Variants in ZNF714 observed in about 807,000 individuals in gnomAD.
ZNF714 encodes zinc finger protein 714.
ZNF714 carries 32 observed loss-of-function variants against 46.2 expected under a neutral mutation model. The ratio of observed to expected loss-of-function variants is 0.69; its 90% confidence interval spans 0.52 to 0.93. ZNF714 has a LOEUF of 0.93. ZNF714 is among the 40% of genes least tolerant of loss of function. The probability of loss-of-function intolerance (pLI) is 0.00; values close to 1 mark genes in which losing one functional copy is unlikely to be tolerated. For missense variants in ZNF714, 635 were observed against 646.3 expected (o/e 0.98, Z 0.19); for synonymous variants, 199 against 213.1 (o/e 0.93, Z 0.58).
Position 21,121,915 on chromosome 19 carries a change from T to C in ZNF714, c.*3583T>C, listed in dbSNP as rs1288613088. On this transcript the variant is annotated 3_prime_UTR_variant, in exon 5 of 5. Coordinates refer to ENST00000456283, the MANE Select transcript of ZNF714 (RefSeq NM_182515.4). ...TTCATTATATGAGCTGGTCTGTGAT[T>C]ATAAGAATTTTTATGAAATTTAGTG... 1 of 152,214 alleles carries C rather than the reference T, an allele frequency of 6.6e-6. No homozygotes were observed. The highest frequency in any genetic ancestry group is 6.5e-5 in the Admixed American group (1 of 15,272). The allele number at this position is 152,214 out of a possible 1,614,324, so 9.4% of individuals were successfully genotyped here. A position where few individuals can be genotyped will look rare whatever the true frequency, so the allele number is the denominator to read the frequency against.
intron 2 of ZNF714, among the ~76,000 whole-genome samples, chr19:21,094,649 C>T (rs537345332): frequency 6.6e-6 from 1 of 152,296 alleles, no homozygotes; most frequent in East Asian, 1.9e-4. Flanking sequence ...GCCTTAGTTT[C>T]TGGAGTAGCT....
chr19:21,114,047 T>C (rs1019539852), intron 4 of ZNF714, among the ~76,000 whole-genome samples: 1 of 152,218 alleles, frequency 6.6e-6, no homozygotes, highest in African/African-American at 2.4e-5. Context: ...ATGTGTTTTA[T>C]GAATCTGGGT....
rs1969633498 is a variant in ZNF714, at chr19:21,117,771, C to G, written c.1107C>G (p.Tyr369Ter). 1 of 1,613,724 alleles carries G rather than the reference C, an allele frequency of 6.2e-7. No individual in the cohort carries two copies. Among genetic ancestry groups the G allele is most frequent in the Non-Finnish European group, 8.5e-7 (1 of 1,179,974 alleles). Reference sequence around the variant, plus strand: ...TGATTCATACTGGAGAGAAACCCTACAAATGTGAAGAATGTGGCAAAGCCT... The same window carrying G: ...TGATTCATACTGGAGAGAAACCCTAGAAATGTGAAGAATGTGGCAAAGCCT... ...HKMIHTGEKP[Y>*]KCEECGKAFN... Residue 369 changes from tyrosine (Y) to a stop codon, truncating the protein, a stop_gained, in exon 5 of 5, where the codon TAC (tyrosine) becomes TAG (stop). Coordinates refer to ENST00000456283, the MANE Select transcript of ZNF714 (RefSeq NM_182515.4). LOFTEE classifies it high-confidence loss of function.
chr19:21,112,167 T>C (rs1969462203), intron 4 of ZNF714, among the ~76,000 whole-genome samples: 1 of 152,174 alleles, frequency 6.6e-6, no homozygotes, highest in South Asian at 2.1e-4. Context: ...GAAGAAATAG[T>C]ACTCTTTGTA....
chr19:21,086,470 C>G (rs1968781897), intron 2 of ZNF714, among the ~76,000 whole-genome samples: 1 of 152,074 alleles, frequency 6.6e-6, no homozygotes, highest in Admixed American at 6.6e-5. Context: ...TATTTATGCC[C>G]CCCAATTTTA....
In ZNF714 at chr19:21,117,049, A is replaced by G. The variant is rs1269177709; in HGVS notation, c.385A>G (p.Ile129Val). The change falls in exon 5 of 5, where the codon ATT becomes GTT. Residue 129 changes from isoleucine (I) to valine (V), a missense_variant. By Grantham distance (29) the Ile-to-Val change is conservative. Transcript: ENST00000456283. ...TAAATATATAAAAGTCTTTCATAAA[A>G]TTTTCAATTCAAATAGACACAAGAC... is the stretch of plus-strand genomic sequence containing the variant. ...CDKYIKVFHK[I>V]FNSNRHKTRH... 1 of 1,613,180 alleles carries G rather than the reference A, an allele frequency of 6.2e-7. No individual in the cohort carries two copies. Among genetic ancestry groups the G allele is most frequent in the South Asian group, 1.1e-5 (1 of 90,892 alleles).
chr19:21,125,008 AG>A lies in ZNF714; in HGVS notation c.*6679del, dbSNP rs1969771512. On this transcript the variant is annotated 3_prime_UTR_variant, in exon 5 of 5. Coordinates refer to ENST00000456283, the MANE Select transcript of ZNF714 (RefSeq NM_182515.4). ...TGTAATCCCAGCACTGTGGGAAGCC[AG>A]GGCAGGTGGATTGCTTGAGCCCAGG... 1 of 143,592 alleles carries A rather than the reference AG, an allele frequency of 7.0e-6. No individual in the cohort carries two copies. 8.9% of individuals were successfully genotyped at this position (143,592 alleles called of 1,614,324 possible).
At position 21,119,451 on chromosome 19, in the gene ZNF714, A is replaced by G. The variant is rs930535222; in HGVS notation, c.*1119A>G. On this transcript the variant is annotated 3_prime_UTR_variant, in exon 5 of 5. Transcript: ENST00000456283. ...ACAGTGAAGAATATTTATTTTGAAGATGAATGTTACAAATATAAAGTGGGT... is the reference window on the plus strand; with the variant it reads ...ACAGTGAAGAATATTTATTTTGAAGGTGAATGTTACAAATATAAAGTGGGT... 2 of 162,048 alleles carry G rather than the reference A, an allele frequency of 1.2e-5. No homozygotes were observed. The highest frequency in any genetic ancestry group is 1.4e-5 in the Non-Finnish European group (1 of 73,392). The allele number at this position is 162,048 out of a possible 1,614,324, so 10.0% of individuals were successfully genotyped here.
rs1969747603 is a variant in ZNF714, at chr19:21,123,745, A to G, written c.*5413A>G. Reference sequence around the variant, plus strand: ...GTGGTGGTAAAGATTGCAAAATAATAAAATGACCTCTGAATTTAAAATTTA... The same window carrying G: ...GTGGTGGTAAAGATTGCAAAATAATGAAATGACCTCTGAATTTAAAATTTA... On this transcript the variant is annotated 3_prime_UTR_variant, in exon 5 of 5. Transcript: ENST00000456283. The G allele has an allele frequency of 6.6e-6, 1 of 152,230 alleles. No individual in the cohort carries two copies. Among genetic ancestry groups the G allele is most frequent in the Non-Finnish European group, 1.5e-5 (1 of 68,038 alleles). The allele number at this position is 152,230 out of a possible 1,614,324, so 9.4% of individuals were successfully genotyped here. A position where few individuals can be genotyped will look rare whatever the true frequency, so the allele number is the denominator to read the frequency against.
intron 2 of ZNF714, among the ~76,000 whole-genome samples, chr19:21,087,584 A>G (rs1474161450): frequency 6.6e-6 from 1 of 152,046 alleles, no homozygotes; most frequent in African/African-American, 2.4e-5. Context: ...ACCTTTTATA[A>G]CTCTTTACAA....
intron 4 of ZNF714, among the ~76,000 whole-genome samples, chr19:21,106,554 G>C (rs1022980041): frequency 2.2e-5 from 3 of 139,338 alleles, no homozygotes; most frequent in Admixed American, 1.5e-4. Flanking sequence ...GGGTGACAGA[G>C]CAAGACTCCG....
chr19:21,117,804 C>G lies in ZNF714; in HGVS notation c.1140C>G (p.His380Gln), dbSNP rs878958554. 6 of 1,598,132 alleles carry G rather than the reference C, an allele frequency of 3.8e-6. No individual in the cohort carries two copies. Among genetic ancestry groups the G allele is most frequent in the Admixed American group, 1.7e-5 (1 of 58,494 alleles). ...AAGAATGTGGCAAAGCCTTTAACCA[C>G]TCCTCAAAACTTACTATACATAAGA... is the stretch of plus-strand genomic sequence containing the variant. Reference protein sequence around the residue: ...KCEECGKAFNHSSKLTIHKII... With the variant: ...KCEECGKAFNQSSKLTIHKII... The change falls in exon 5 of 5, where the codon CAC (histidine) becomes CAG (glutamine). Residue 380 changes from histidine to glutamine, a missense_variant. Physicochemically the swap from His to Gln is conservative, Grantham distance 24 (BLOSUM62 0). Transcript: ENST00000456283.
In ZNF714 at chr19:21,123,721, T is replaced by C. The variant is rs1345079181; in HGVS notation, c.*5389T>C. The C allele has an allele frequency of 2.0e-5, 3 of 152,166 alleles. No individual in the cohort carries two copies. Among genetic ancestry groups the C allele is most frequent in the Non-Finnish European group, 4.4e-5 (3 of 68,034 alleles). 9.4% of individuals were successfully genotyped at this position (152,166 alleles called of 1,614,324 possible). ...ATTTCCGTGCAGAATCTTTTAAGTG[T>C]GGTGGTAAAGATTGCAAAATAATAA... is the stretch of plus-strand genomic sequence containing the variant. On this transcript the variant is annotated 3_prime_UTR_variant, in exon 5 of 5. Coordinates refer to ENST00000456283, the MANE Select transcript of ZNF714 (RefSeq NM_182515.4).
At chr19:21,084,245 TCAAGC>T (rs1179430901) in intron 2 of ZNF714, among the ~76,000 whole-genome samples, 176 bp downstream of exon 2, 3 of 145,008 alleles carry the variant, frequency 2.1e-5, no homozygotes, top group Non-Finnish European at 4.6e-5. Context: ...AAAAAAAAAA[TCAAGC>T]AAACAAACAA....
chr19:21,116,268 C>A lies in ZNF714; in HGVS notation c.143-539C>A, dbSNP rs138128723. Among the ~76,000 whole-genome samples the A allele has an allele frequency of 1.5e-4, 23 of 152,112 alleles. 1 individual carries two copies. In the East Asian group the frequency reaches 4.4e-3, roughly 29 times the overall value. ...AATCAGTAACCATTTGCTCTGTTTT[C>A]TGTCTGTTGTACTGCAGTCTCTCTG... On this transcript the variant is annotated intron_variant, in intron 4 of 4. Transcript: ENST00000456283.
intron 4 of ZNF714, among the ~76,000 whole-genome samples, chr19:21,115,976 T>C (rs1206441740): frequency 1.3e-5 from 2 of 151,844 alleles, no homozygotes; most frequent in Non-Finnish European, 2.9e-5. Flanking sequence ...TACATCTTTT[T>C]TATGGTTTCT....
chr19:21,120,601 G>C lies in ZNF714; in HGVS notation c.*2269G>C, dbSNP rs959838231. 17 of 152,102 alleles carry C rather than the reference G, an allele frequency of 1.1e-4. No homozygotes were observed. The highest frequency in any genetic ancestry group is 2.1e-4 in the South Asian group (1 of 4,812). 9.4% of individuals were successfully genotyped at this position (152,102 alleles called of 1,614,324 possible). A position where few individuals can be genotyped will look rare whatever the true frequency, so the allele number is the denominator to read the frequency against. On this transcript the variant is annotated 3_prime_UTR_variant, in exon 5 of 5. Coordinates refer to ENST00000456283, the MANE Select transcript of ZNF714 (RefSeq NM_182515.4). ...CAGTACATTTTTAAAATTTTAGATT[G>C]TGTGAAGTTAATAGTTTAACATTTT...
At position 21,124,163 on chromosome 19, in the gene ZNF714, C is replaced by CA. The variant is rs1331817135; in HGVS notation, c.*5832dup. 7 of 152,192 alleles carry CA rather than the reference C, an allele frequency of 4.6e-5. No individual in the cohort carries two copies. Among genetic ancestry groups the CA allele is most frequent in the Admixed American group, 6.5e-5 (1 of 15,284 alleles). The allele number at this position is 152,192 out of a possible 1,614,324, so 9.4% of individuals were successfully genotyped here. A position where few individuals can be genotyped will look rare whatever the true frequency, so the allele number is the denominator to read the frequency against. On this transcript the variant is annotated 3_prime_UTR_variant, in exon 5 of 5. Coordinates refer to ENST00000456283, the MANE Select transcript of ZNF714 (RefSeq NM_182515.4). The stretch of plus-strand genomic sequence containing the variant: ...GGGTCCAAACCATGCTGTTAAATAT[C>CA]AGAGTTCCTATGGTTATGACTGACA...
chr19:21,094,041 A>T (rs1282072330), intron 2 of ZNF714, among the ~76,000 whole-genome samples: 1 of 152,228 alleles, frequency 6.6e-6, no homozygotes, highest in Non-Finnish European at 1.5e-5. Context: ...CCCAGACCAG[A>T]GTGCAGTGGC....
Sources: allele counts gnomAD v4.1 joint callset (sites outside exome capture counted in the v4.1 genomes callset), GRCh38; gene constraint gnomAD v4.1.1; transcripts MANE v1.5; gene names NCBI Gene and HGNC (gene_info 2026-07-23, HGNC 2026-07-21).